The following SCLT1 variants were observed in gnomAD, a reference collection of about 807,000 sequenced individuals.
SCLT1 encodes sodium channel-associated protein 1.
Under a neutral mutation model 112.8 loss-of-function variants are expected in SCLT1, and 78 were observed. That is an observed-to-expected ratio of 0.69 (90% CI 0.58 to 0.83). The LOEUF (loss-of-function observed/expected upper bound fraction) is 0.83, where lower values mean the gene tolerates loss of function less well. Ranked by LOEUF, SCLT1 falls within the 40% of genes least tolerant of loss-of-function variation. SCLT1 has a pLI of 0.00. For missense variants in SCLT1, 747 were observed against 770.4 expected (o/e 0.97, Z 0.36); for synonymous variants, 257 against 254.7 (o/e 1.01, Z -0.09).
chr4:128,886,969 T>G lies in SCLT1; in HGVS notation c.2004+1710A>C, dbSNP rs190076768. Among the ~76,000 whole-genome samples, 28 of 152,328 alleles carry G rather than the reference T, an allele frequency of 1.8e-4. No individual in the cohort carries two copies. In the East Asian group the frequency reaches 4.4e-3, roughly 24 times the overall value. ...AAGGATTATGATACAGAAATTTAAT[T>G]TCTTACATATCTGTCTAAATATCTA... is the stretch of plus-strand genomic sequence containing the variant. On this transcript the variant is annotated intron_variant, in intron 20 of 20. Transcript: ENST00000281142.
At chr4:129,040,737 T>G (rs1401072514) in intron 4 of SCLT1, among the ~76,000 whole-genome samples, 1 of 152,178 alleles carries the variant, frequency 6.6e-6, no homozygotes, top group Non-Finnish European at 1.5e-5. Context: ...GCAGTGCTAC[T>G]TTTCCTGCTT....
intron 12 of SCLT1, among the ~76,000 whole-genome samples, chr4:128,958,653 T>G (rs1413741613): frequency 6.6e-6 from 1 of 152,164 alleles, no homozygotes; most frequent in African/African-American, 2.4e-5. Flanking sequence ...TTGACCTTAA[T>G]TTTTCCAGCT....
At chr4:129,054,614 T>C (rs1469772163) in intron 2 of SCLT1, among the ~76,000 whole-genome samples, 1 of 152,082 alleles carries the variant, frequency 6.6e-6, no homozygotes, top group Non-Finnish European at 1.5e-5. Context: ...TCATTTACGT[T>C]CTTCTCTAAA....
intron 4 of SCLT1, among the ~76,000 whole-genome samples, chr4:129,043,102 G>T (rs1343332144): frequency 6.6e-6 from 1 of 151,910 alleles, no homozygotes; most frequent in South Asian, 2.1e-4. Flanking sequence ...AAAAGAGATG[G>T]GGTCTCACTA....
chr4:128,919,927 T>C (rs1384059460), intron 18 of SCLT1, among the ~76,000 whole-genome samples: 1 of 151,696 alleles, frequency 6.6e-6, no homozygotes, highest in Non-Finnish European at 1.5e-5. Context: ...ACCAGAAAAA[T>C]CCCAGGGTCA....
Position 128,965,277 on chromosome 4 carries a change from T to C in SCLT1, c.819A>G (p.Ser273=). The change falls in exon 11 of 21, where the codon TCA becomes TCG. Residue 273 remains serine, a synonymous_variant. Coordinates refer to ENST00000281142, the MANE Select transcript of SCLT1 (RefSeq NM_144643.4). Reference sequence around the variant, plus strand: ...ACTGTAACTGCTGTAAACGCCTATCTGATGCTTCCTCTCTTCCATGGGCAG... The same window carrying C: ...ACTGTAACTGCTGTAAACGCCTATCCGATGCTTCCTCTCTTCCATGGGCAG... ...VVSAHGREEA[S]DRRLQQLQSS... The C allele has an allele frequency of 6.2e-7, 1 of 1,610,598 alleles. No individual in the cohort carries two copies. The highest frequency in any genetic ancestry group is 8.5e-7 in the Non-Finnish European group (1 of 1,176,984).
intron 9 of SCLT1, among the ~76,000 whole-genome samples, chr4:128,989,476 G>A (rs1187948413): frequency 6.6e-6 from 1 of 151,698 alleles, no homozygotes; most frequent in African/African-American, 2.4e-5. Flanking sequence ...AGCAAAAGCA[G>A]TACTAAAAGT....
chr4:128,903,020 C>T (rs1018058218), intron 18 of SCLT1, among the ~76,000 whole-genome samples: 21 of 152,014 alleles, frequency 1.4e-4, no homozygotes, highest in Admixed American at 2.6e-4. Flanking sequence ...ATAGCAACGC[C>T]TCCCTCTGGA....
chr4:129,016,413 C>T (rs542501083), intron 5 of SCLT1, among the ~76,000 whole-genome samples: 19 of 152,252 alleles, frequency 1.2e-4, no homozygotes, highest in African/African-American at 2.4e-4. Context: ...AGTGAGAACA[C>T]GTGGTGTTTA....
At chr4:129,090,972 T>C (rs61264206) in intron 1 of SCLT1, among the ~76,000 whole-genome samples, 2,185 of 152,178 alleles carry the variant, frequency 0.014, 48 homozygotes, top group African/African-American at 0.044. Context: ...AAAACATGAG[T>C]TGAGAAGTAC....
At chr4:128,933,862 C>T (rs1736974891) in intron 18 of SCLT1, among the ~76,000 whole-genome samples, 1 of 151,916 alleles carries the variant, frequency 6.6e-6, no homozygotes. Context: ...AGAACACCAC[C>T]ATGAATATTA....
intron 14 of SCLT1, among the ~76,000 whole-genome samples, chr4:128,949,559 G>C (rs918584517): frequency 6.6e-6 from 1 of 151,854 alleles, no homozygotes; most frequent in African/African-American, 2.4e-5. Flanking sequence ...TCCCTGGTGT[G>C]TGATGTTCCC....
At chr4:128,948,335 C>CAAAAAAAAAAAAAAAA (rs11312069) in intron 15 of SCLT1, among the ~76,000 whole-genome samples, 161 bp downstream of exon 15, 5 of 47,964 alleles carry the variant, frequency 1.0e-4, no homozygotes, top group Admixed American at 2.8e-4. Context: ...GACTCCATTG[C>CAAAAAAAAAAAAAAAA]AAAAAAAAAA....
intron 2 of SCLT1, among the ~76,000 whole-genome samples, chr4:129,068,763 G>C (rs1750720354): frequency 6.6e-6 from 1 of 152,146 alleles, no homozygotes; most frequent in Non-Finnish European, 1.5e-5. Context: ...CAGTACAAAA[G>C]CCCTTTAGTT....
intron 5 of SCLT1, among the ~76,000 whole-genome samples, chr4:129,029,524 T>C (rs1431466823): frequency 8.4e-6 from 1 of 119,424 alleles, no homozygotes; most frequent in African/African-American, 3.1e-5. Flanking sequence ...CCAGGGCCTG[T>C]TGTGGGGTGG....
chr4:128,878,168 C>CAGTT (rs1491275045), intron 3 of SCLT1, among the ~76,000 whole-genome samples: 1 of 152,004 alleles, frequency 6.6e-6, no homozygotes, highest in Non-Finnish European at 1.5e-5. Context: ...ATAATAAATC[C>CAGTT]AGTTATTTTT....
intron 9 of SCLT1, among the ~76,000 whole-genome samples, chr4:128,984,702 T>C (rs570637249): frequency 6.6e-6 from 1 of 152,268 alleles, no homozygotes; most frequent in African/African-American, 2.4e-5. Context: ...CCAAAAATCT[T>C]ATATCCTTTT....
chr4:128,902,704 A>G (rs765846262), intron 18 of SCLT1, among the ~76,000 whole-genome samples: 2 of 152,180 alleles, frequency 1.3e-5, no homozygotes, highest in Non-Finnish European at 2.9e-5. Flanking sequence ...CTGAAGCTAC[A>G]CTAAATTTAT....
At chr4:129,040,980 GT>G (rs1193589343) in intron 4 of SCLT1, among the ~76,000 whole-genome samples, 1 of 151,980 alleles carries the variant, frequency 6.6e-6, no homozygotes, top group Non-Finnish European at 1.5e-5. Flanking sequence ...GAAAAACAAA[GT>G]TAAACATCTT....
Sources: gnomAD v4.1 joint callset for allele counts (sites outside exome capture counted in the v4.1 genomes callset) on GRCh38, gnomAD v4.1.1 for gene constraint, MANE v1.5 for transcripts, NCBI Gene and HGNC (gene_info 2026-07-23, HGNC 2026-07-21) for gene names.